Variants in AUTS2 observed in about 807,000 individuals in gnomAD.
AUTS2 encodes the protein autism susceptibility gene 2 protein.
In AUTS2, 17 loss-of-function variants were observed where a neutral mutation model predicts 112.4. The observed-to-expected ratio is 0.15, with a 90% CI of 0.10 to 0.23. The LOEUF is 0.23. Among genes scored for constraint, AUTS2 ranks in the 10% least tolerant of loss-of-function variants. The probability of loss-of-function intolerance (pLI) is 1.00; values close to 1 mark genes in which losing one functional copy is unlikely to be tolerated. For synonymous variants in AUTS2, 751 were observed against 702.7 expected (o/e 1.07, Z -1.09); for missense variants, 1,510 against 1,701.6 (o/e 0.89, Z 1.98).
intron 4 of AUTS2, among the ~76,000 whole-genome samples, chr7:70,270,781 T>C (rs1251721175): frequency 3.3e-5 from 5 of 152,160 alleles, no homozygotes; most frequent in African/African-American, 1.2e-4. Context: ...AGACAGGTTT[T>C]TGAATCAGCT....
In AUTS2 at chr7:70,757,078, A is replaced by G. The variant is rs149515711; in HGVS notation, c.743-5792A>G. Among the ~76,000 whole-genome samples, 182 of 152,320 alleles carry G rather than the reference A, an allele frequency of 1.2e-3. 1 individual carries two copies. Among genetic ancestry groups the G allele is most frequent in the Admixed American group, 2.1e-3 (32 of 15,304 alleles). On this transcript the variant is annotated intron_variant, in intron 6 of 18. Coordinates refer to ENST00000342771, the MANE Select transcript of AUTS2 (RefSeq NM_015570.4). ...TTCCCATAGGGAGTAGTATCCTCCAATGGGAACTATCTATTACGTGACTGA... is the reference window on the plus strand; with the variant it reads ...TTCCCATAGGGAGTAGTATCCTCCAGTGGGAACTATCTATTACGTGACTGA...
intron 5 of AUTS2, among the ~76,000 whole-genome samples, chr7:70,540,998 C>G (rs777159601): frequency 3.9e-5 from 6 of 152,164 alleles, no homozygotes; most frequent in Non-Finnish European, 5.9e-5. Flanking sequence ...AAAGTCCCCC[C>G]CTATGAAGTG....
chr7:69,848,427 T>A (rs945808703), intron 1 of AUTS2, among the ~76,000 whole-genome samples: 12 of 152,208 alleles, frequency 7.9e-5, no homozygotes, highest in Non-Finnish European at 2.9e-5. Context: ...TCATCTGTTT[T>A]ACAAGGGAAT....
intron 4 of AUTS2, among the ~76,000 whole-genome samples, chr7:70,378,823 A>G (rs1392679048): frequency 1.3e-5 from 2 of 152,244 alleles, no homozygotes; most frequent in Non-Finnish European, 2.9e-5. Flanking sequence ...AGTGCTATAC[A>G]TATGCAGAGT....
At chr7:69,616,928 A>G (rs375507799) in intron 1 of AUTS2, among the ~76,000 whole-genome samples, 1 of 152,204 alleles carries the variant, frequency 6.6e-6, no homozygotes, top group East Asian at 1.9e-4. Context: ...TTCAAAAAAA[A>G]TTTATTGACA....
intron 4 of AUTS2, among the ~76,000 whole-genome samples, chr7:70,317,805 G>A (rs996567116): frequency 7.2e-5 from 11 of 152,166 alleles, no homozygotes; most frequent in Non-Finnish European, 1.5e-4. Context: ...TCTCATTTGC[G>A]GACGTGTCTC....
chr7:69,601,336 A>C (rs1337166301), intron 1 of AUTS2, among the ~76,000 whole-genome samples: 1 of 152,008 alleles, frequency 6.6e-6, no homozygotes, highest in Non-Finnish European at 1.5e-5. Context: ...TCACATGCTC[A>C]GATGCAAGCT....
intron 1 of AUTS2, among the ~76,000 whole-genome samples, chr7:69,730,389 A>AC (rs1338789740): frequency 1.3e-5 from 2 of 151,992 alleles, no homozygotes; most frequent in Non-Finnish European, 2.9e-5. Flanking sequence ...TTCTGTCCCC[A>AC]CCTGCCCCCC....
intron 4 of AUTS2, among the ~76,000 whole-genome samples, chr7:70,325,038 G>A (rs1435818695): frequency 6.6e-6 from 1 of 152,184 alleles, no homozygotes; most frequent in African/African-American, 2.4e-5. Flanking sequence ...GGGTCCAATT[G>A]TCCCTTCTCT....
At chr7:69,959,768 C>G (rs933261205) in intron 2 of AUTS2, among the ~76,000 whole-genome samples, 2 of 152,148 alleles carry the variant, frequency 1.3e-5, no homozygotes, top group African/African-American at 4.8e-5. Context: ...GATTATGCTT[C>G]TAGTTCCCTA....
At chr7:70,284,885 C>G (rs1430047098) in intron 4 of AUTS2, among the ~76,000 whole-genome samples, 1 of 152,164 alleles carries the variant, frequency 6.6e-6, no homozygotes, top group Non-Finnish European at 1.5e-5. Flanking sequence ...ATACTGAAAT[C>G]AAAAACTCTA....
At chr7:70,025,256 C>G (rs193223068) in intron 2 of AUTS2, among the ~76,000 whole-genome samples, 1 of 152,176 alleles carries the variant, frequency 6.6e-6, no homozygotes, top group East Asian at 1.9e-4. Context: ...GGTGAGGAAA[C>G]TGAGGCTTAA....
chr7:70,090,845 A>G (rs189693381), intron 2 of AUTS2, among the ~76,000 whole-genome samples: 45 of 151,852 alleles, frequency 3.0e-4, no homozygotes, highest in Non-Finnish European at 5.9e-4. Flanking sequence ...TGCCCGGCTA[A>G]TTTTTGTATT....
chr7:69,853,028 TTGCTAAG>T (rs1266071725), intron 1 of AUTS2, among the ~76,000 whole-genome samples: 2 of 152,172 alleles, frequency 1.3e-5, no homozygotes, highest in Non-Finnish European at 2.9e-5. Flanking sequence ...TCTTTTAAAT[TTGCTAAG>T]GTTTGTATTA....
intron 2 of AUTS2, among the ~76,000 whole-genome samples, chr7:70,049,254 A>G (rs1279126115): frequency 6.6e-6 from 1 of 152,134 alleles, no homozygotes; most frequent in Admixed American, 6.6e-5. Context: ...GTGTTGTCAT[A>G]TTCATTTTTA....
intron 4 of AUTS2, among the ~76,000 whole-genome samples, chr7:70,144,533 A>G (rs901307913): frequency 3.3e-5 from 5 of 152,062 alleles, no homozygotes; most frequent in Admixed American, 1.3e-4. Flanking sequence ...GGCATAATAG[A>G]GTCACAAGTT....
intron 6 of AUTS2, among the ~76,000 whole-genome samples, chr7:70,758,427 C>G (rs1789358645): frequency 6.6e-6 from 1 of 152,146 alleles, no homozygotes; most frequent in Admixed American, 6.5e-5. Flanking sequence ...CCCATTTTCC[C>G]CAGGCAACTT....
intron 5 of AUTS2, among the ~76,000 whole-genome samples, chr7:70,558,413 G>A (rs776156659): frequency 6.6e-6 from 1 of 152,122 alleles, no homozygotes; most frequent in African/African-American, 2.4e-5. Flanking sequence ...CCATGAAGGG[G>A]CACCTAGAGC....
At chr7:69,917,426 C>T (rs1454224773) in intron 2 of AUTS2, among the ~76,000 whole-genome samples, 1 of 151,466 alleles carries the variant, frequency 6.6e-6, no homozygotes, top group African/African-American at 2.4e-5. Context: ...ATCTTAGTTA[C>T]ATGTGAGAAA....
Sources: allele counts gnomAD v4.1 joint callset (sites outside exome capture counted in the v4.1 genomes callset), GRCh38; gene constraint gnomAD v4.1.1; transcripts MANE v1.5; gene names NCBI Gene and HGNC (gene_info 2026-07-23, HGNC 2026-07-21).